Variants in ADGRF5 observed in about 807,000 individuals in gnomAD.
The protein encoded by ADGRF5 is adhesion G protein-coupled receptor F5, also known as G-protein coupled receptor 116.
ADGRF5 carries 75 observed loss-of-function variants against 132.3 expected under a neutral mutation model. The observed-to-expected ratio is 0.57, with a 90% CI of 0.47 to 0.69. The LOEUF is 0.69. Ranked by LOEUF, ADGRF5 falls within the 30% of genes least tolerant of loss-of-function variation. The probability of loss-of-function intolerance (pLI) is 0.00; values close to 1 mark genes in which losing one functional copy is unlikely to be tolerated. For synonymous variants in ADGRF5, 629 were observed against 597.6 expected (o/e 1.05, Z -0.77); for missense variants, 1,516 against 1,630.6 (o/e 0.93, Z 1.21).
Position 46,858,606 on chromosome 6 carries a change from G to C in ADGRF5, c.3297C>G (p.Ser1099Arg). The C allele has an allele frequency of 6.2e-7, 1 of 1,614,056 alleles. No individual in the cohort carries two copies. Among genetic ancestry groups the C allele is most frequent in the Non-Finnish European group, 8.5e-7 (1 of 1,179,972 alleles). The stretch of plus-strand genomic sequence containing the variant: ...CCAGTGTCAGCATCCAGAAGAAGAC[G>C]CTGAGGTAGAAGAAGTGGATGAAGA... ...ATFFIHFFYLSVFFWMLTLGL... is the reference protein window; with the variant it reads ...ATFFIHFFYLRVFFWMLTLGL... The change falls in exon 17 of 21, where the codon AGC (serine) becomes AGG (arginine). Residue 1099 changes from serine (S) to arginine (R), a missense_variant. Physicochemically the swap from Ser to Arg is moderately radical, Grantham distance 110 (BLOSUM62 -1). This residue lies in a region of ADGRF5 where 571 missense variants were observed against 701.2 expected (regional missense o/e 0.81). Coordinates refer to ENST00000283296, the MANE Select transcript of ADGRF5 (RefSeq NM_001098518.2).
chr6:46,855,636 C>T (rs968116113), intron 20 of ADGRF5, among the ~76,000 whole-genome samples: 1 of 152,142 alleles, frequency 6.6e-6, no homozygotes, highest in Non-Finnish European at 1.5e-5. Context: ...TCTTATCTAA[C>T]ATAATTTGAG....
chr6:46,890,182 T>G (rs982108994), intron 3 of ADGRF5, among the ~76,000 whole-genome samples: 1 of 152,020 alleles, frequency 6.6e-6, no homozygotes, highest in Non-Finnish European at 1.5e-5. Context: ...GACCTCCACC[T>G]CCTGGGCCCA....
intron 1 of ADGRF5, among the ~76,000 whole-genome samples, chr6:46,941,857 G>A (rs1296178641): frequency 6.6e-6 from 1 of 152,180 alleles, no homozygotes; most frequent in Non-Finnish European, 1.5e-5. Flanking sequence ...TCTGCCTAAA[G>A]AGCCAGCTTC....
chr6:46,945,839 G>A (rs920323768), intron 1 of ADGRF5, among the ~76,000 whole-genome samples: 2 of 152,218 alleles, frequency 1.3e-5, no homozygotes, highest in African/African-American at 4.8e-5. Context: ...GGTGTAAGGT[G>A]AGAAGGAGAA....
At chr6:46,882,141 A>C in intron 6 of ADGRF5, 34 bp from the exon 7 acceptor site, 1 of 1,431,080 alleles carries the variant, frequency 7.0e-7, no homozygotes, top group Non-Finnish European at 9.9e-7. Context: ...GTCATATATC[A>C]AAGTCGAGAA....
chr6:46,931,645 T>C (rs2150935702), intron 1 of ADGRF5, among the ~76,000 whole-genome samples: 1 of 152,362 alleles, frequency 6.6e-6, no homozygotes, highest in Non-Finnish European at 1.5e-5. Context: ...CCCACTGTCC[T>C]CTTTCACCTG....
At chr6:46,918,950 A>G (rs1237778603) in intron 1 of ADGRF5, among the ~76,000 whole-genome samples, 1 of 152,334 alleles carries the variant, frequency 6.6e-6, no homozygotes, top group African/African-American at 2.4e-5. Context: ...GAGATTAAAA[A>G]CAACAAACAA....
upstream of ADGRF5, among the ~76,000 whole-genome samples, chr6:46,925,461 A>C (rs183695261): frequency 6.6e-6 from 1 of 152,312 alleles, no homozygotes; most frequent in Non-Finnish European, 1.5e-5. Context: ...CCTGGACTAG[A>C]AGGTAAGCTC....
chr6:46,907,859 C>A (rs529884966), intron 1 of ADGRF5: 1 of 152,172 alleles, frequency 6.6e-6, no homozygotes, highest in Admixed American at 6.5e-5. Context: ...TCCCCTAATT[C>A]TCTCACAGAG....
chr6:46,953,651 G>GTATATATATA (rs61302381), intron 1 of ADGRF5, among the ~76,000 whole-genome samples: 425 of 42,034 alleles, frequency 0.01, 3 homozygotes, highest in Non-Finnish European at 0.013. Flanking sequence ...AGATATATGT[G>GTATATATATA]TATATATATA....
chr6:46,933,687 T>C (rs1488905924), intron 1 of ADGRF5, among the ~76,000 whole-genome samples: 3 of 152,190 alleles, frequency 2.0e-5, no homozygotes, highest in Admixed American at 1.3e-4. Flanking sequence ...ATTGTACAGA[T>C]TGTCGTCGGG....
intron 1 of ADGRF5, among the ~76,000 whole-genome samples, chr6:46,949,882 C>T (rs529998340): frequency 1.3e-5 from 2 of 152,286 alleles, no homozygotes; most frequent in South Asian, 2.1e-4. Context: ...AGTTTTCCCT[C>T]CTCATTGTTC....
rs767040061 is a variant in ADGRF5, at chr6:46,858,705, G to A, written c.3198C>T (p.Thr1066=). The A allele has an allele frequency of 9.9e-6, 16 of 1,614,018 alleles. No homozygotes were observed. The African/African-American group carries it at 1.1e-4, about 11-fold the overall frequency. Residue 1066 remains threonine, a synonymous_variant, in exon 17 of 21, where the codon ACC becomes ACT. Coordinates refer to ENST00000283296, the MANE Select transcript of ADGRF5 (RefSeq NM_001098518.2). ...NIAASLLVAN[T]WFIVVAAIQD... ...GGATGGCAGCGACCACAATGAACCAGGTGTTGGCGACCAGAAGGGAGGCAG... is the reference window on the plus strand; with the variant it reads ...GGATGGCAGCGACCACAATGAACCAAGTGTTGGCGACCAGAAGGGAGGCAG...
intron 1 of ADGRF5, among the ~76,000 whole-genome samples, chr6:46,909,708 T>C (rs1775746149): frequency 6.6e-6 from 1 of 152,160 alleles, no homozygotes; most frequent in South Asian, 2.1e-4. Flanking sequence ...GGTGTGGTAA[T>C]GCATGCCTGC....
At chr6:46,860,297 C>A (rs1180753753) in intron 16 of ADGRF5, among the ~76,000 whole-genome samples, 1 of 152,154 alleles carries the variant, frequency 6.6e-6, no homozygotes, top group African/African-American at 2.4e-5. Context: ...TCATTAAAGT[C>A]TCTTCATTTG....
chr6:46,915,797 C>T (rs1204775801), intron 1 of ADGRF5, among the ~76,000 whole-genome samples: 8 of 151,854 alleles, frequency 5.3e-5, no homozygotes, highest in Non-Finnish European at 1.2e-4. Flanking sequence ...GATTTCCTTA[C>T]TCTGGACAGT....
At position 46,869,018 on chromosome 6, in the gene ADGRF5, C is replaced by T. The variant is rs750649255; in HGVS notation, c.1486G>A (p.Val496Met). 6.2e-7 allele frequency: 1 copy of T among 1,613,532 alleles called. No individual in the cohort carries two copies. The highest frequency in any genetic ancestry group is 8.5e-7 in the Non-Finnish European group (1 of 1,179,490). Reference protein sequence around the residue: ...QNFSIKCISDVSNYDEVYWNT... With the variant: ...QNFSIKCISDMSNYDEVYWNT... The stretch of plus-strand genomic sequence containing the variant: ...CAATAAACCTCATCATAGTTACTCA[C>T]ATCACTGATGCATTTTATAGAAAAG... Residue 496 changes from valine (V) to methionine (M), a missense_variant, in exon 12 of 21, where the codon GTG becomes ATG. By Grantham distance (21) the Val-to-Met change is conservative (BLOSUM62 1). Coordinates refer to ENST00000283296, the MANE Select transcript of ADGRF5 (RefSeq NM_001098518.2).
rs768487512 is a variant in ADGRF5 at position 46,909,260 on chromosome 6, C to T, written c.-24-2474G>A. Among the ~76,000 whole-genome samples the T allele has an allele frequency of 3.3e-5, 5 of 152,080 alleles. 1 individual carries two copies. Among genetic ancestry groups the T allele is most frequent in the South Asian group, 4.1e-4 (2 of 4,826 alleles). Reference sequence around the variant, plus strand: ...TTTCTTCTAAAATTCCTGGAGTAAACGGCAGACAAAGACTGAGAGACAAAG... The same window carrying T: ...TTTCTTCTAAAATTCCTGGAGTAAATGGCAGACAAAGACTGAGAGACAAAG... On this transcript the variant is annotated intron_variant, in intron 1 of 20. Coordinates refer to ENST00000283296, the MANE Select transcript of ADGRF5 (RefSeq NM_001098518.2).
chr6:46,912,118 C>T (rs1047101842), intron 1 of ADGRF5, among the ~76,000 whole-genome samples: 5 of 152,104 alleles, frequency 3.3e-5, no homozygotes, highest in Non-Finnish European at 7.4e-5. Context: ...GGTTAAATAA[C>T]TTGCCTGAGA....
Sources: gnomAD v4.1 joint callset for allele counts (sites outside exome capture counted in the v4.1 genomes callset) on GRCh38, gnomAD v4.1.1 for gene constraint, gnomAD v4.1.1 regional missense constraint, MANE v1.5 for transcripts, NCBI Gene and HGNC (gene_info 2026-07-23, HGNC 2026-07-21) for gene names.